The following ZNF345 variants were observed in gnomAD, a reference collection of about 807,000 sequenced individuals.
ZNF345 encodes zinc finger protein 345, also known as zinc finger protein HZF10.
For synonymous variants in ZNF345, 166 were observed against 187.9 expected (o/e 0.88, Z 0.95); for missense variants, 527 against 589.9 (o/e 0.89, Z 1.10).
intron 2 of ZNF345, among the ~76,000 whole-genome samples, chr19:36,874,295 A>C (rs558001562): frequency 1.1e-4 from 17 of 151,914 alleles, no homozygotes; most frequent in Admixed American, 2.6e-4. Context: ...AGAGTTCGAG[A>C]CCAGCCTGGC....
intron 2 of ZNF345, among the ~76,000 whole-genome samples, chr19:36,855,703 C>T (rs2072402291): frequency 6.6e-6 from 1 of 151,972 alleles, no homozygotes. Flanking sequence ...ACACTCACCT[C>T]GGCCTCACAA....
At chr19:36,852,455 A>T (rs2072301120) in intron 2 of ZNF345, among the ~76,000 whole-genome samples, 1 of 152,052 alleles carries the variant, frequency 6.6e-6, no homozygotes, top group Non-Finnish European at 1.5e-5. Flanking sequence ...TACTAAAAAC[A>T]CAAAAATTAG....
intron 3 of ZNF345, among the ~76,000 whole-genome samples, chr19:36,892,635 G>A (rs1459093197): frequency 6.6e-6 from 1 of 152,190 alleles, no homozygotes; most frequent in Non-Finnish European, 1.5e-5. Flanking sequence ...ACAGACATTA[G>A]GAGAGGTAAT....
At chr19:36,860,010 T>C (rs972265144) in intron 2 of ZNF345, among the ~76,000 whole-genome samples, 3 of 152,046 alleles carry the variant, frequency 2.0e-5, no homozygotes, top group Non-Finnish European at 4.4e-5. Context: ...CAGGCTGGAG[T>C]GCAGGGGCGT....
chr19:36,866,174 A>C (rs1277684920), intron 2 of ZNF345, among the ~76,000 whole-genome samples: 1 of 152,084 alleles, frequency 6.6e-6, no homozygotes, highest in African/African-American at 2.4e-5. Flanking sequence ...GACTACTTTC[A>C]TCAGATAAAC....
At position 36,870,742 on chromosome 19, in the gene ZNF345, C is replaced by A. The variant is rs144923760; in HGVS notation, c.-46-6043C>A. The stretch of plus-strand genomic sequence containing the variant: ...TATACCCTGTCTTTGCATATTGGAG[C>A]CTTTTAGGGTATTTTCTTTGTTCCC... On this transcript the variant is annotated intron_variant, in intron 2 of 2. Transcript: ENST00000420450. Among the ~76,000 whole-genome samples, 551 of 152,078 alleles carry A rather than the reference C, an allele frequency of 3.6e-3. 1 individual carries two copies. Among genetic ancestry groups the A allele is most frequent in the Admixed American group, 5.9e-3 (90 of 15,284 alleles).
intron 2 of ZNF345, among the ~76,000 whole-genome samples, chr19:36,857,938 G>A (rs924700379): frequency 1.3e-5 from 2 of 151,620 alleles, no homozygotes; most frequent in Admixed American, 6.6e-5. Context: ...ACAACACCTG[G>A]CTAATTTTTT....
intron 2 of ZNF345, among the ~76,000 whole-genome samples, chr19:36,858,821 A>G (rs981483357): frequency 1.3e-5 from 2 of 152,094 alleles, no homozygotes; most frequent in Admixed American, 6.5e-5. Flanking sequence ...TCTAATGTAC[A>G]CTCAGGAATG....
In ZNF345 at chr19:36,878,469, A is replaced by C. The variant is rs185864842; in HGVS notation, c.*172A>C. 5.1e-4 allele frequency: 256 copies of C among 504,818 alleles called. 3 individuals carry two copies. The highest frequency in any genetic ancestry group is 4.8e-3 in the African/African-American group (245 of 50,522). The allele number at this position is 504,818 out of a possible 1,614,324, so 31.3% of individuals were successfully genotyped here. A position where few individuals can be genotyped will look rare whatever the true frequency, so the allele number is the denominator to read the frequency against. On this transcript the variant is annotated 3_prime_UTR_variant, in exon 3 of 3. Coordinates refer to ENST00000420450, the MANE Select transcript of ZNF345 (RefSeq NM_001242472.2). Reference sequence around the variant, plus strand: ...CACCCCAAATAAAATAAATATTTGAAGATCCTTATCTATATTCATTCCTTC... The same window carrying C: ...CACCCCAAATAAAATAAATATTTGACGATCCTTATCTATATTCATTCCTTC...
intron 3 of ZNF345, chr19:36,890,695 A>G (rs1435809594): frequency 6.6e-6 from 1 of 150,994 alleles, no homozygotes; most frequent in Admixed American, 6.6e-5. Flanking sequence ...ACAAAAAAAA[A>G]AAAAAAAAAA....
chr19:36,892,392 G>T lies in ZNF345; in HGVS notation c.47-426G>T. 2 of 1,612,372 alleles carry T rather than the reference G, an allele frequency of 1.2e-6. 1 individual carries two copies. Among genetic ancestry groups the T allele is most frequent in the South Asian group, 2.2e-5 (2 of 91,010 alleles). The stretch of plus-strand genomic sequence containing the variant: ...ATGTGGGCTGAATAAAAGTAGACAT[G>T]TCTTCACGGGTAATTATTACTTGAC... On this transcript the variant is annotated intron_variant, in intron 3 of 3. Transcript: ENST00000526123.
chr19:36,874,474 A>G (rs562849553), intron 2 of ZNF345, among the ~76,000 whole-genome samples: 3 of 140,700 alleles, frequency 2.1e-5, no homozygotes, highest in South Asian at 4.7e-4. Context: ...AGTCTGGGTG[A>G]CACGAGTGAA....
intron 2 of ZNF345, among the ~76,000 whole-genome samples, chr19:36,871,928 C>T (rs551271205): frequency 2.6e-5 from 4 of 152,036 alleles, no homozygotes; most frequent in East Asian, 1.9e-4. Flanking sequence ...CCACTGCACC[C>T]GGCTAATTTT....
chr19:36,867,436 T>C (rs2072682593), intron 2 of ZNF345, among the ~76,000 whole-genome samples: 1 of 152,220 alleles, frequency 6.6e-6, no homozygotes. Context: ...GTGCAACTAT[T>C]GATTCTCTCT....
At position 36,878,013 on chromosome 19, in the gene ZNF345, G is replaced by A. The variant is rs2072926530; in HGVS notation, c.1183G>A (p.Glu395Lys). Residue 395 changes from glutamate (E) to lysine (K), a missense_variant, in exon 3 of 3, where the codon GAA becomes AAA. Coordinates refer to ENST00000420450, the MANE Select transcript of ZNF345 (RefSeq NM_001242472.2). Reference sequence around the variant, plus strand: ...CCAACACCAGCTAATCCATACTGGTGAAAGACCCTATGAATGTAAAGAATG... The same window carrying A: ...CCAACACCAGCTAATCCATACTGGTAAAAGACCCTATGAATGTAAAGAATG... Reference protein sequence around the residue: ...LIQHQLIHTGERPYECKECGK... With the variant: ...LIQHQLIHTGKRPYECKECGK... 6.2e-7 allele frequency: 1 copy of A among 1,613,914 alleles called. No homozygotes were observed. The highest frequency in any genetic ancestry group is 8.5e-7 in the Non-Finnish European group (1 of 1,179,892).
chr19:36,855,292 G>T (rs989077517), intron 2 of ZNF345, among the ~76,000 whole-genome samples: 1 of 151,554 alleles, frequency 6.6e-6, no homozygotes, highest in Non-Finnish European at 1.5e-5. Flanking sequence ...ACAGGCCCCC[G>T]CCACCACGCC....
chr19:36,874,954 T>C (rs1478723772), intron 2 of ZNF345, among the ~76,000 whole-genome samples: 1 of 152,168 alleles, frequency 6.6e-6, no homozygotes, highest in Non-Finnish European at 1.5e-5. Flanking sequence ...TTCAGAGAAA[T>C]TATGTTGTAT....
At chr19:36,891,893 C>T (rs1407553305) in intron 3 of ZNF345, 1 of 1,614,026 alleles carries the variant, frequency 6.2e-7, no homozygotes, top group South Asian at 1.1e-5. Context: ...TTCCCACATT[C>T]TTTACATTCA....
At chr19:36,861,859 CT>C (rs768109029) in intron 2 of ZNF345, among the ~76,000 whole-genome samples, 1,843 of 131,716 alleles carry the variant, frequency 0.014, 16 homozygotes, top group East Asian at 0.054. Flanking sequence ...CATGCCCAGC[CT>C]TTTTTTTTTT....
Sources: allele counts gnomAD v4.1 joint callset (sites outside exome capture counted in the v4.1 genomes callset), GRCh38; gene constraint gnomAD v4.1.1; transcripts MANE v1.5; gene names NCBI Gene and HGNC (gene_info 2026-07-23, HGNC 2026-07-21).